EDIL3: variants seen among roughly 807,000 people sequenced by gnomAD.
The protein encoded by EDIL3 is EGF-like repeat and discoidin I-like domain-containing protein 3.
A neutral mutation model predicts 67.4 loss-of-function variants in EDIL3; 37 were observed. The observed-to-expected ratio is 0.55, with a 90% confidence interval of 0.42 to 0.72. The LOEUF is 0.72. Among genes scored for constraint, EDIL3 ranks in the 30% least tolerant of loss-of-function variants. The pLI is 0.00. For missense variants in EDIL3, 527 were observed against 586.3 expected, an observed-to-expected ratio of 0.90 and a Z score of 1.04; for synonymous variants, 195 against 196.3, an observed-to-expected ratio of 0.99 and a Z score of 0.05.
intron 4 of EDIL3, among the ~76,000 whole-genome samples, chr5:84,152,881 T>C (rs930975708): frequency 2.0e-5 from 3 of 152,202 alleles, no homozygotes; most frequent in Non-Finnish European, 4.4e-5. Context: ...GATATATTGA[T>C]GAATTTATTT....
intron 9 of EDIL3, among the ~76,000 whole-genome samples, chr5:83,973,707 T>C (rs1051889540): frequency 6.6e-6 from 1 of 152,080 alleles, no homozygotes; most frequent in African/African-American, 2.4e-5. Context: ...AAGACTGGTG[T>C]TTCCAAACAC....
At chr5:84,123,452 T>A (rs966490190) in intron 5 of EDIL3, among the ~76,000 whole-genome samples, 1 of 151,960 alleles carries the variant, frequency 6.6e-6, no homozygotes, top group African/African-American at 2.4e-5. Flanking sequence ...GGATTTTGCC[T>A]GTATATTTCT....
chr5:84,324,788 G>A (rs888736942), intron 1 of EDIL3, among the ~76,000 whole-genome samples: 3 of 151,444 alleles, frequency 2.0e-5, no homozygotes, highest in African/African-American at 4.8e-5. Flanking sequence ...ATTCTACATC[G>A]ACAAATTACA....
At chr5:84,271,290 T>A (rs1438194440) in intron 1 of EDIL3, among the ~76,000 whole-genome samples, 1 of 151,952 alleles carries the variant, frequency 6.6e-6, no homozygotes, top group Non-Finnish European at 1.5e-5. Flanking sequence ...GGTGGGCGCC[T>A]GTAGTCCCAG....
chr5:84,196,587 TGAGG>T (rs1268462394), intron 3 of EDIL3, among the ~76,000 whole-genome samples: 20 of 152,050 alleles, frequency 1.3e-4, no homozygotes, highest in African/African-American at 4.8e-4. Context: ...GTAATTGATG[TGAGG>T]ACATAGAACT....
At chr5:84,289,302 T>G (rs1285220029) in intron 1 of EDIL3, among the ~76,000 whole-genome samples, 1 of 152,190 alleles carries the variant, frequency 6.6e-6, no homozygotes, top group African/African-American at 2.4e-5. Flanking sequence ...TGTTTAACTT[T>G]TCCTTCCCTT....
intron 1 of EDIL3, among the ~76,000 whole-genome samples, chr5:84,322,598 A>G (rs1022461669): frequency 1.3e-5 from 2 of 152,132 alleles, no homozygotes; most frequent in African/African-American, 4.8e-5. Context: ...TAACTTACAC[A>G]TTGTGGAAAT....
intron 1 of EDIL3, among the ~76,000 whole-genome samples, chr5:84,293,322 T>C (rs988208760): frequency 2.6e-5 from 4 of 152,196 alleles, no homozygotes; most frequent in African/African-American, 9.6e-5. Flanking sequence ...ATAAACACTA[T>C]TATTACCCAA....
At chr5:84,117,744 A>G (rs1039622334) in intron 5 of EDIL3, among the ~76,000 whole-genome samples, 3 of 151,786 alleles carry the variant, frequency 2.0e-5, no homozygotes, top group African/African-American at 7.3e-5. Context: ...TTGGCTTTAT[A>G]AAAAAGACTA....
chr5:84,354,640 G>C (rs1284188598), intron 1 of EDIL3, among the ~76,000 whole-genome samples: 3 of 136,538 alleles, frequency 2.2e-5, no homozygotes, highest in Non-Finnish European at 4.6e-5. Flanking sequence ...CTGGGCAACA[G>C]AGTGAGACTC....
Position 84,075,461 on chromosome 5 carries a change from G to GCTT in EDIL3, c.652-8858_652-8856dup, listed in dbSNP as rs760523965. ...TTTGCAACATCCAAATTTGACAGGGGCTTCTTCTTCTTCTTCTTCTTCTTA... is the reference window on the plus strand; with the variant it reads ...TTTGCAACATCCAAATTTGACAGGGGCTTCTTCTTCTTCTTCTTCTTCTTCTTA... On this transcript the variant is annotated intron_variant, in intron 6 of 10. Transcript: ENST00000296591. Among the ~76,000 whole-genome samples, 390 of 151,916 alleles carry GCTT rather than the reference G, an allele frequency of 2.6e-3. 1 individual carries two copies. Among genetic ancestry groups the GCTT allele is most frequent in the East Asian group, 4.5e-3 (23 of 5,110 alleles).
intron 1 of EDIL3, among the ~76,000 whole-genome samples, chr5:84,351,886 A>G (rs305655): frequency 0.015 from 2,272 of 152,124 alleles, 64 homozygotes; most frequent in African/African-American, 0.052. Flanking sequence ...TTCAATCTAT[A>G]TATCTAAAAG....
At chr5:84,162,487 T>C (rs530240278) in intron 4 of EDIL3, among the ~76,000 whole-genome samples, 1 of 152,266 alleles carries the variant, frequency 6.6e-6, no homozygotes, top group East Asian at 1.9e-4. Context: ...AACATGGCTT[T>C]GGTGATCTGG....
chr5:84,089,743 C>A (rs1747131108), intron 6 of EDIL3, among the ~76,000 whole-genome samples: 1 of 152,070 alleles, frequency 6.6e-6, no homozygotes, highest in African/African-American at 2.4e-5. Context: ...AATCTTTTAT[C>A]CTCCTATTAC....
chr5:84,176,127 C>T (rs896417642), intron 4 of EDIL3, among the ~76,000 whole-genome samples: 1 of 142,716 alleles, frequency 7.0e-6, no homozygotes, highest in African/African-American at 2.6e-5. Context: ...TTAGAATATA[C>T]AAAGAGGGAA....
At chr5:84,077,287 T>A (rs1397823928) in intron 6 of EDIL3, among the ~76,000 whole-genome samples, 1 of 152,200 alleles carries the variant, frequency 6.6e-6, no homozygotes, top group Non-Finnish European at 1.5e-5. Flanking sequence ...TTTGTGAATC[T>A]CCTGAATGAG....
At chr5:84,048,752 A>T (rs114153438) in intron 9 of EDIL3, among the ~76,000 whole-genome samples, 203 of 152,192 alleles carry the variant, frequency 1.3e-3, no homozygotes, top group Non-Finnish European at 2.1e-3. Context: ...GAATACATAC[A>T]CAATGTATTC....
At chr5:84,075,822 G>A (rs971571789) in intron 6 of EDIL3, among the ~76,000 whole-genome samples, 6 of 150,750 alleles carry the variant, frequency 4.0e-5, no homozygotes, top group South Asian at 2.1e-4. Context: ...ATATGGTCTC[G>A]GTACTTTTTT....
chr5:84,268,431 C>A (rs1343101379), intron 1 of EDIL3, among the ~76,000 whole-genome samples: 1 of 152,142 alleles, frequency 6.6e-6, no homozygotes, highest in Non-Finnish European at 1.5e-5. Flanking sequence ...AATGGTTAAT[C>A]ACTGAAAATT....
Sources: allele counts gnomAD v4.1 joint callset (sites outside exome capture counted in the v4.1 genomes callset), GRCh38; gene constraint gnomAD v4.1.1; transcripts MANE v1.5; gene names NCBI Gene and HGNC (gene_info 2026-07-23, HGNC 2026-07-21).